Variants in NECAB2 observed in about 807,000 individuals in gnomAD.
NECAB2 encodes the protein N-terminal EF-hand calcium-binding protein 2.
In NECAB2, 68 loss-of-function variants were observed where a neutral mutation model predicts 51.9. The ratio of observed to expected loss-of-function variants is 1.31; its 90% confidence interval spans 1.08 to 1.60. The LOEUF is 1.60. Among genes scored for constraint, NECAB2 ranks in the 40% most tolerant of loss-of-function variants. The pLI is 0.00. For missense variants in NECAB2, 854 were observed against 490.3 expected, an observed-to-expected ratio of 1.74 and a Z score of -7.00; for synonymous variants, 329 against 203.5, an observed-to-expected ratio of 1.62 and a Z score of -5.25.
At chr16:83,985,499 G>A (rs564923057) in intron 5 of NECAB2, among the ~76,000 whole-genome samples, 2 of 151,310 alleles carry the variant, frequency 1.3e-5, no homozygotes, top group South Asian at 2.1e-4. Flanking sequence ...TGGGCGTGGT[G>A]GCAGTTGTGT....
intron 5 of NECAB2, among the ~76,000 whole-genome samples, chr16:83,989,172 C>T (rs991144352): frequency 6.6e-5 from 10 of 152,244 alleles, no homozygotes; most frequent in South Asian, 4.2e-4. Flanking sequence ...TGGCCATTCG[C>T]GTGTCTGGAG....
chr16:83,970,308 C>T (rs1255787851), intron 1 of NECAB2, among the ~76,000 whole-genome samples: 2 of 152,158 alleles, frequency 1.3e-5, no homozygotes, highest in Non-Finnish European at 2.9e-5. Flanking sequence ...TGCCCAGAGC[C>T]GGCACCTACC....
intron 2 of NECAB2, among the ~76,000 whole-genome samples, chr16:83,977,241 C>G (rs934972486): frequency 2.0e-5 from 3 of 152,134 alleles, no homozygotes; most frequent in Non-Finnish European, 2.9e-5. Flanking sequence ...TGGGCTCCCT[C>G]TTGTCTCTGA....
intron 8 of NECAB2, among the ~76,000 whole-genome samples, chr16:83,996,684 G>A (rs16962458): frequency 0.21 from 31,612 of 152,036 alleles, 3,761 homozygotes; most frequent in Non-Finnish European, 0.26. Flanking sequence ...GTGACATAGT[G>A]ACTGTTGATC....
At chr16:83,976,217 C>T (rs1458713442) in intron 2 of NECAB2, among the ~76,000 whole-genome samples, 1 of 152,200 alleles carries the variant, frequency 6.6e-6, no homozygotes, top group Non-Finnish European at 1.5e-5. Context: ...CACCCACCCC[C>T]TGCTGGGTAG....
intron 2 of NECAB2, among the ~76,000 whole-genome samples, chr16:83,977,813 G>A (rs886451954): frequency 6.6e-5 from 10 of 152,190 alleles, no homozygotes; most frequent in South Asian, 2.1e-4. Flanking sequence ...TAGATGGGGC[G>A]GAGAAGAAAG....
intron 5 of NECAB2, among the ~76,000 whole-genome samples, chr16:83,988,583 A>C (rs1340256904): frequency 6.6e-6 from 1 of 152,172 alleles, no homozygotes; most frequent in Non-Finnish European, 1.5e-5. Context: ...GATCGCTGTT[A>C]GTTCTTGTCA....
intron 1 of NECAB2, among the ~76,000 whole-genome samples, chr16:83,970,849 T>G (rs1302750027): frequency 6.6e-6 from 1 of 152,094 alleles, no homozygotes; most frequent in Non-Finnish European, 1.5e-5. Flanking sequence ...TCCCAGCACT[T>G]TGGGAGGCCG....
upstream of NECAB2, among the ~76,000 whole-genome samples, chr16:83,968,066 G>T (rs950439487): frequency 6.6e-6 from 1 of 151,816 alleles, no homozygotes; most frequent in Admixed American, 6.5e-5. Context: ...ATGTTCTGGG[G>T]TGAAGACTGG....
At position 84,000,738 on chromosome 16, in the gene NECAB2, G is replaced by A; in HGVS notation, c.977G>A (p.Arg326Lys). ...VRNCFHITAV[R>K]LSDGFTFVIY... ...TCCTGTTGCAGCATCACTGCCGTGA[G>A]GCTCTCAGATGGCTTCACCTTTGTC... The change falls in exon 11 of 13, where the codon AGG becomes AAG. Residue 326 changes from arginine to lysine, a missense_variant. Coordinates refer to ENST00000305202, the MANE Select transcript of NECAB2 (RefSeq NM_019065.3). The A allele has an allele frequency of 1.2e-6, 2 of 1,613,882 alleles. No individual in the cohort carries two copies. Among genetic ancestry groups the A allele is most frequent in the Non-Finnish European group, 1.7e-6 (2 of 1,179,960 alleles).
At chr16:83,983,130 A>G (rs1455483045) in intron 5 of NECAB2, among the ~76,000 whole-genome samples, 2 of 151,956 alleles carry the variant, frequency 1.3e-5, no homozygotes, top group African/African-American at 4.8e-5. Context: ...CGGCCTCCCA[A>G]AGTGCTGGGA....
intron 3 of NECAB2, among the ~76,000 whole-genome samples, 163 bp from the exon 4 acceptor site, chr16:83,980,676 G>C (rs1375170233): frequency 1.3e-5 from 2 of 152,146 alleles, no homozygotes; most frequent in African/African-American, 4.8e-5. Context: ...AGGGGCGGGG[G>C]TGTCACCTAC....
At position 83,990,663 on chromosome 16, in the gene NECAB2, G is replaced by T. The variant is rs537835931; in HGVS notation, c.596+33G>T. ...TCTGAGACCCTGCAGGGTCCCATGGGGGTATGCCGTGCACGCGCACGTGCC... is the reference window on the plus strand; with the variant it reads ...TCTGAGACCCTGCAGGGTCCCATGGTGGTATGCCGTGCACGCGCACGTGCC... On this transcript the variant is annotated intron_variant, in intron 6 of 12. Transcript: ENST00000305202. 30 of 1,611,234 alleles carry T rather than the reference G, an allele frequency of 1.9e-5. No homozygotes were observed. The African/African-American group carries it at 4.0e-4, about 21-fold the overall frequency.
Position 83,994,256 on chromosome 16 carries a change from C to T in NECAB2, c.597-46C>T, listed in dbSNP as rs369707472. On this transcript the variant is annotated intron_variant, in intron 6 of 12. Transcript: ENST00000305202. ...GAAGATGCTGGAAGTGGTAAGGGCC[C>T]TGAAGCCACCGCCATGGTCTGTGTG... 718 of 1,586,618 alleles carry T rather than the reference C, an allele frequency of 4.5e-4. 1 individual carries two copies. The highest frequency in any genetic ancestry group is 6.0e-4 in the Non-Finnish European group (689 of 1,155,592).
At chr16:83,971,788 C>G (rs543196255) in intron 1 of NECAB2, 1 of 404,062 alleles carries the variant, frequency 2.5e-6, no homozygotes, top group Non-Finnish European at 4.5e-6. Context: ...GACACTGATT[C>G]GGAGTGTGGT....
chr16:83,985,424 G>C (rs1235298282), intron 5 of NECAB2, among the ~76,000 whole-genome samples: 1 of 150,312 alleles, frequency 6.7e-6, no homozygotes, highest in Non-Finnish European at 1.5e-5. Context: ...CACAAGGTCA[G>C]GAATTCAAGA....
chr16:83,994,693 G>A lies in NECAB2; in HGVS notation c.795+5G>A. 1 of 1,613,988 alleles carries A rather than the reference G, an allele frequency of 6.2e-7. No homozygotes were observed. Among genetic ancestry groups the A allele is most frequent in the South Asian group, 1.1e-5 (1 of 91,080 alleles). On this transcript the variant is annotated splice_donor_5th_base_variant and intron_variant, in intron 8 of 12. Coordinates refer to ENST00000305202, the MANE Select transcript of NECAB2 (RefSeq NM_019065.3). ...ATTGGGAGGCTGGAGAGCAAAGTAA[G>A]CCCTGGCCTGACCACGGCGTCTACT...
upstream of NECAB2, chr16:83,965,527 C>T (rs540716508): frequency 1.7e-4 from 276 of 1,612,604 alleles, 2 homozygotes; most frequent in South Asian, 2.5e-3. Flanking sequence ...TCCGCCGGGC[C>T]GTGGACGACC....
chr16:84,001,956 T>G (rs759894201), intron 12 of NECAB2, 40 bp downstream of exon 12: 8 of 1,596,792 alleles, frequency 5.0e-6, no homozygotes, highest in Non-Finnish European at 6.8e-6. Context: ...GCCACCTGAC[T>G]GGAGAGAAGG....
Sources: gnomAD v4.1 joint callset for allele counts (sites outside exome capture counted in the v4.1 genomes callset) on GRCh38, gnomAD v4.1.1 for gene constraint, MANE v1.5 for transcripts, NCBI Gene and HGNC (gene_info 2026-07-23, HGNC 2026-07-21) for gene names.